The following PCDHA11 variants were observed in gnomAD, a reference collection of about 807,000 sequenced individuals.
PCDHA11 encodes the protein protocadherin alpha-11.
Under a neutral mutation model 70.3 loss-of-function variants are expected in PCDHA11, and 61 were observed. The ratio of observed to expected loss-of-function variants is 0.87; its 90% CI spans 0.71 to 1.07. The LOEUF (loss-of-function observed/expected upper bound fraction) is 1.07. Among genes scored for constraint, PCDHA11 ranks in the 50% least tolerant of loss-of-function variants. The probability of loss-of-function intolerance (pLI) is 0.00; values close to 1 mark genes in which losing one functional copy is unlikely to be tolerated. For synonymous variants in PCDHA11, 633 were observed against 555.1 expected, an observed-to-expected ratio of 1.14 and a Z score of -1.97; for missense variants, 1,324 against 1,237.5, an observed-to-expected ratio of 1.07 and a Z score of -1.05.
chr5:140,944,999 G>A (rs2093721816), intron 1 of PCDHA11, among the ~76,000 whole-genome samples: 1 of 151,896 alleles, frequency 6.6e-6, no homozygotes, highest in Non-Finnish European at 1.5e-5. Context: ...TAACGGTTGT[G>A]GGTCATGAAT....
Position 140,927,948 on chromosome 5 carries a change from C to T in PCDHA11, c.2392-51001C>T, listed in dbSNP as rs1012110026. The T allele has an allele frequency of 4.3e-6, 7 of 1,614,072 alleles. No homozygotes were observed. In the African/African-American group the frequency reaches 5.3e-5, roughly 12 times the overall value. On this transcript the variant is annotated intron_variant, in intron 1 of 3. Transcript: ENST00000398640. The stretch of plus-strand genomic sequence containing the variant: ...CTCTTTCGAACCCAGTACCTGAGGA[C>T]GCTGCCCCTGGCACAGTGATTGCTC...
chr5:140,928,068 C>T (rs1554205429), intron 1 of PCDHA11: 2 of 1,614,214 alleles, frequency 1.2e-6, no homozygotes, highest in Non-Finnish European at 1.7e-6. Context: ...CTTCCTTTGA[C>T]AACTACTACA....
At chr5:141,001,451 A>T (rs2098018648) in intron 3 of PCDHA11, among the ~76,000 whole-genome samples, 1 of 152,310 alleles carries the variant, frequency 6.6e-6, no homozygotes, top group African/African-American at 2.4e-5. Flanking sequence ...TTCCACTGTC[A>T]ATTGAAGGAC....
At chr5:140,927,994 G>C in intron 1 of PCDHA11, 1 of 1,614,180 alleles carries the variant, frequency 6.2e-7, no homozygotes, top group Non-Finnish European at 8.5e-7. Flanking sequence ...AAAGGATGAA[G>C]ACCTCGATTC....
chr5:140,991,635 T>C (rs1215420696), intron 3 of PCDHA11, among the ~76,000 whole-genome samples: 1 of 152,220 alleles, frequency 6.6e-6, no homozygotes, highest in East Asian at 1.9e-4. Flanking sequence ...GTAATAACAA[T>C]CTGTTCATGA....
At chr5:140,906,502 CAAAG>C (rs1295778527) in intron 1 of PCDHA11, among the ~76,000 whole-genome samples, 1 of 152,180 alleles carries the variant, frequency 6.6e-6, no homozygotes, top group African/African-American at 2.4e-5. Context: ...ATGTTTTTAA[CAAAG>C]AAGGAGGAAA....
chr5:140,893,528 G>C (rs541953324), intron 1 of PCDHA11, among the ~76,000 whole-genome samples: 2 of 152,254 alleles, frequency 1.3e-5, no homozygotes, highest in Admixed American at 6.5e-5. Context: ...ACTCCTTTAA[G>C]TATTTCTTGT....
intron 1 of PCDHA11, among the ~76,000 whole-genome samples, chr5:140,964,804 G>A (rs1484818069): frequency 6.6e-6 from 1 of 152,012 alleles, no homozygotes; most frequent in African/African-American, 2.4e-5. Context: ...CAAGAAAGGA[G>A]ACAGGAATAG....
intron 1 of PCDHA11, among the ~76,000 whole-genome samples, chr5:140,947,064 A>G (rs1554218040): frequency 6.6e-6 from 1 of 151,738 alleles, no homozygotes; most frequent in African/African-American, 2.4e-5. Flanking sequence ...TACACAGTGT[A>G]TATATGTATT....
chr5:140,941,214 C>CCTTTCTTT lies in PCDHA11; in HGVS notation c.2392-37700_2392-37693dup, dbSNP rs60032403. On this transcript the variant is annotated intron_variant, in intron 1 of 3. Coordinates refer to ENST00000398640, the MANE Select transcript of PCDHA11 (RefSeq NM_018902.5). ...TTTTTTCTTTCTTCCTTTCTTTCTTCCTTTCTTTCTTTCTTTCTTTCTTTC... is the reference window on the plus strand; with the variant it reads ...TTTTTTCTTTCTTCCTTTCTTTCTTCCTTTCTTTCTTTCTTTCTTTCTTTCTTTCTTTC... Among the ~76,000 whole-genome samples, 464 of 122,456 alleles carry CCTTTCTTT rather than the reference C, an allele frequency of 3.8e-3. 7 individuals are homozygous for CCTTTCTTT. The highest frequency in any genetic ancestry group is 0.025 in the Middle Eastern group (6 of 238). 80.3% of individuals were successfully genotyped at this position (122,456 alleles called of 152,430 possible).
intron 1 of PCDHA11, among the ~76,000 whole-genome samples, chr5:140,913,578 A>G (rs1206858917): frequency 2.0e-5 from 3 of 152,072 alleles, no homozygotes; most frequent in Non-Finnish European, 2.9e-5. Context: ...CATTTCAAAT[A>G]TATTTCTGCT....
At chr5:140,983,542 C>A (rs1554245538) in intron 3 of PCDHA11, among the ~76,000 whole-genome samples, 1 of 152,152 alleles carries the variant, frequency 6.6e-6, no homozygotes, top group African/African-American at 2.4e-5. Flanking sequence ...TGTGTGGTCT[C>A]ATTTATTCCT....
chr5:140,939,005 G>A (rs2092293653), intron 1 of PCDHA11, among the ~76,000 whole-genome samples: 1 of 152,200 alleles, frequency 6.6e-6, no homozygotes, highest in Non-Finnish European at 1.5e-5. Flanking sequence ...AAGTTAAGAA[G>A]TGTTACTTTT....
chr5:140,983,218 C>T (rs757778991), intron 3 of PCDHA11, among the ~76,000 whole-genome samples: 10 of 152,128 alleles, frequency 6.6e-5, no homozygotes, highest in Non-Finnish European at 1.5e-4. Flanking sequence ...ATTTCCTAAT[C>T]CAAACTTTCA....
At chr5:140,990,176 T>G (rs1294066255) in intron 3 of PCDHA11, among the ~76,000 whole-genome samples, 1 of 152,142 alleles carries the variant, frequency 6.6e-6, no homozygotes, top group Non-Finnish European at 1.5e-5. Context: ...AAAAGGTGAC[T>G]TTTAAGAACC....
rs373356425 is a variant in PCDHA11 at position 140,870,380 on chromosome 5, C to T, written c.1277C>T (p.Ala426Val). 1.3e-5 allele frequency: 21 copies of T among 1,614,064 alleles called. No homozygotes were observed. The highest frequency in any genetic ancestry group is 2.2e-5 in the East Asian group (1 of 44,880). Residue 426 changes from alanine (A) to valine (V), a missense_variant, in exon 1 of 4, where the codon GCG becomes GTG. By Grantham distance (64) the Ala-to-Val change is moderately conservative. Coordinates refer to ENST00000398640, the MANE Select transcript of PCDHA11 (RefSeq NM_018902.5). ...NVWAYELVVT[A>V]RDGGSPSLWA... ...TGGGCCTATGAACTGGTGGTGACTGCGCGGGATGGGGGTTCGCCTTCTCTG... is the reference window on the plus strand; with the variant it reads ...TGGGCCTATGAACTGGTGGTGACTGTGCGGGATGGGGGTTCGCCTTCTCTG...
intron 1 of PCDHA11, among the ~76,000 whole-genome samples, chr5:140,930,626 A>G (rs1554207971): frequency 6.6e-6 from 1 of 152,220 alleles, no homozygotes; most frequent in Non-Finnish European, 1.5e-5. Flanking sequence ...GGAGGTGTGT[A>G]GAAATTAAGG....
chr5:141,000,385 CTCTCTCTCTCTA>C (rs1405113604), intron 3 of PCDHA11, among the ~76,000 whole-genome samples: 12 of 64,976 alleles, frequency 1.8e-4, no homozygotes, highest in Admixed American at 6.0e-4. Context: ...CTCTCTCTCT[CTCTCTCTCTCTA>C]TATATATATA....
chr5:140,985,394 A>C (rs2097150028), intron 3 of PCDHA11, among the ~76,000 whole-genome samples: 1 of 152,084 alleles, frequency 6.6e-6, no homozygotes, highest in South Asian at 2.1e-4. Context: ...AGTCACCCCA[A>C]CTGTTCCCCT....
Sources: allele counts gnomAD v4.1 joint callset (sites outside exome capture counted in the v4.1 genomes callset), GRCh38; gene constraint gnomAD v4.1.1; transcripts MANE v1.5; gene names NCBI Gene and HGNC (gene_info 2026-07-23, HGNC 2026-07-21).